Variants in HCN1 observed in about 807,000 individuals in gnomAD.
The protein encoded by HCN1 is potassium/sodium hyperpolarization-activated cyclic nucleotide-gated channel 1.
Under a neutral mutation model 78.9 loss-of-function variants are expected in HCN1, and 13 were observed. That is an observed-to-expected ratio of 0.16 (90% CI 0.11 to 0.26). The LOEUF (loss-of-function observed/expected upper bound fraction) is 0.26. Ranked by LOEUF, HCN1 falls within the 10% of genes least tolerant of loss-of-function variation. The probability of loss-of-function intolerance (pLI) is 1.00; values close to 1 mark genes in which losing one functional copy is unlikely to be tolerated. For synonymous variants in HCN1, 552 were observed against 455.5 expected, an observed-to-expected ratio of 1.21 and a Z score of -2.70; for missense variants, 810 against 1,154.3, an observed-to-expected ratio of 0.70 and a Z score of 4.32.
intron 1 of HCN1, among the ~76,000 whole-genome samples, chr5:45,674,979 A>G (rs1323049369): frequency 1.3e-5 from 2 of 151,770 alleles, no homozygotes; most frequent in East Asian, 3.9e-4. Flanking sequence ...AGTACTTACT[A>G]TATGTTGTAT....
At chr5:45,672,064 A>G (rs1300573192) in intron 1 of HCN1, among the ~76,000 whole-genome samples, 2 of 151,576 alleles carry the variant, frequency 1.3e-5, no homozygotes. Flanking sequence ...AGAAAGAGAG[A>G]GAGGATGTTG....
chr5:45,473,561 C>T (rs947736139), intron 2 of HCN1, among the ~76,000 whole-genome samples: 8 of 151,600 alleles, frequency 5.3e-5, no homozygotes, highest in Non-Finnish European at 7.4e-5. Context: ...CTCTGTGATG[C>T]CTCACCTATT....
intron 5 of HCN1, among the ~76,000 whole-genome samples, chr5:45,315,413 C>T (rs1745963545): frequency 6.6e-6 from 1 of 152,158 alleles, no homozygotes; most frequent in Non-Finnish European, 1.5e-5. Context: ...ACATTTAAAG[C>T]AGTGTGTAGA....
At chr5:45,615,915 T>C (rs1387053802) in intron 2 of HCN1, among the ~76,000 whole-genome samples, 1 of 151,868 alleles carries the variant, frequency 6.6e-6, no homozygotes, top group African/African-American at 2.4e-5. Flanking sequence ...ACACCAAAAT[T>C]ATTTTTCCAA....
intron 2 of HCN1, among the ~76,000 whole-genome samples, chr5:45,555,995 G>A (rs1561199749): frequency 6.6e-6 from 1 of 151,860 alleles, no homozygotes; most frequent in Non-Finnish European, 1.5e-5. Context: ...TGGGAAAATT[G>A]GATATCCATA....
At chr5:45,479,880 C>T (rs1359683035) in intron 2 of HCN1, among the ~76,000 whole-genome samples, 1 of 152,132 alleles carries the variant, frequency 6.6e-6, no homozygotes, top group African/African-American at 2.4e-5. Context: ...TTTCACATAC[C>T]ATTTCTTCTC....
chr5:45,428,592 T>C (rs918150920), intron 3 of HCN1, among the ~76,000 whole-genome samples: 13 of 152,114 alleles, frequency 8.5e-5, no homozygotes, highest in Admixed American at 5.9e-4. Flanking sequence ...TTTAACTTTG[T>C]TTTACTAGCA....
At chr5:45,538,779 G>T (rs554491738) in intron 2 of HCN1, among the ~76,000 whole-genome samples, 115 of 152,068 alleles carry the variant, frequency 7.6e-4, no homozygotes, top group Non-Finnish European at 1.5e-3. Flanking sequence ...TTAAAAAAAA[G>T]ATTTCTTGTA....
intron 5 of HCN1, among the ~76,000 whole-genome samples, chr5:45,311,751 C>T (rs116408800): frequency 1.3e-4 from 20 of 152,278 alleles, no homozygotes; most frequent in African/African-American, 4.6e-4. Flanking sequence ...ATGCATGAGA[C>T]CTGCAGCTTT....
chr5:45,546,785 T>C (rs1743239394), intron 2 of HCN1, among the ~76,000 whole-genome samples: 1 of 151,864 alleles, frequency 6.6e-6, no homozygotes, highest in Non-Finnish European at 1.5e-5. Context: ...AATATCGTTA[T>C]TCCAACTATA....
chr5:45,375,835 T>A (rs1403244164), intron 4 of HCN1, among the ~76,000 whole-genome samples: 63 of 120,022 alleles, frequency 5.2e-4, no homozygotes, highest in African/African-American at 2.1e-3. Context: ...ATGATATATC[T>A]TATATATAAT....
intron 4 of HCN1, among the ~76,000 whole-genome samples, chr5:45,372,058 AATTAT>A (rs1234742737): frequency 0.019 from 1,167 of 61,020 alleles, 57 homozygotes; most frequent in African/African-American, 0.076. Context: ...TATATAATAT[AATTAT>A]ATTATATATT....
At chr5:45,369,454 C>T (rs1332396799) in intron 4 of HCN1, among the ~76,000 whole-genome samples, 1 of 152,024 alleles carries the variant, frequency 6.6e-6, no homozygotes, top group Non-Finnish European at 1.5e-5. Context: ...CCTGTATGGG[C>T]CTATGAAACA....
At chr5:45,497,011 C>T (rs7729910) in intron 2 of HCN1, among the ~76,000 whole-genome samples, 73,506 of 151,654 alleles carry the variant, frequency 0.48, 19,128 homozygotes, top group African/African-American at 0.68. Flanking sequence ...AGTTGAGCGG[C>T]TTTGAGTGAG....
rs374707821 is a variant in HCN1 at position 45,524,074 on chromosome 5, T to C, written c.850-62067A>G. ...GAAGGGATCCAGTTTCAGCTTTCTA[T>C]ACATGGCTAGCCAGTTTTCCCAGCA... is the stretch of plus-strand genomic sequence containing the variant. On this transcript the variant is annotated intron_variant, in intron 2 of 7. Coordinates refer to ENST00000303230, the MANE Select transcript of HCN1 (RefSeq NM_021072.4). Among the ~76,000 whole-genome samples, 4 of 152,190 alleles carry C rather than the reference T, an allele frequency of 2.6e-5. No homozygotes were observed. The South Asian group carries it at 6.2e-4, about 24-fold the overall frequency.
At chr5:45,563,216 G>A (rs978017591) in intron 2 of HCN1, among the ~76,000 whole-genome samples, 28 of 152,194 alleles carry the variant, frequency 1.8e-4, no homozygotes, top group African/African-American at 6.3e-4. Context: ...TTGGGAGGCC[G>A]AGGTGGGTGG....
chr5:45,420,301 C>T (rs1740201306), intron 3 of HCN1, among the ~76,000 whole-genome samples: 1 of 152,088 alleles, frequency 6.6e-6, no homozygotes, highest in African/African-American at 2.4e-5. Flanking sequence ...CAGAACCCCC[C>T]AAAATTTGGG....
chr5:45,461,807 G>A lies in HCN1; in HGVS notation c.1011+39C>T, dbSNP rs753057638. The A allele has an allele frequency of 2.8e-5, 44 of 1,561,756 alleles. No individual in the cohort carries two copies. In the South Asian group the frequency reaches 4.1e-4, roughly 15 times the overall value. On this transcript the variant is annotated intron_variant, in intron 3 of 7. Coordinates refer to ENST00000303230, the MANE Select transcript of HCN1 (RefSeq NM_021072.4). Reference sequence around the variant, plus strand: ...ATTACTTAAAAGGTTTTGGCACAACGTTGAAAAGTCAGAGTGTAAAATAAC... The same window carrying A: ...ATTACTTAAAAGGTTTTGGCACAACATTGAAAAGTCAGAGTGTAAAATAAC...
At chr5:45,434,357 G>A (rs575537150) in intron 3 of HCN1, among the ~76,000 whole-genome samples, 47 of 152,224 alleles carry the variant, frequency 3.1e-4, no homozygotes, top group African/African-American at 1.0e-3. Context: ...CAATCCAAAA[G>A]GTTTACACAG....
Sources: allele counts gnomAD v4.1 joint callset (sites outside exome capture counted in the v4.1 genomes callset), GRCh38; gene constraint gnomAD v4.1.1; transcripts MANE v1.5; gene names NCBI Gene and HGNC (gene_info 2026-07-23, HGNC 2026-07-21).